The following ARHGEF7 variants were observed in gnomAD, a reference collection of about 807,000 sequenced individuals.
ARHGEF7 encodes the protein Rho guanine nucleotide exchange factor 7.
A neutral mutation model predicts 109.8 loss-of-function variants in ARHGEF7; 33 were observed. The ratio of observed to expected loss-of-function variants is 0.30; its 90% confidence interval spans 0.23 to 0.40. The LOEUF (loss-of-function observed/expected upper bound fraction) is 0.40, where lower values mean the gene tolerates loss of function less well. Ranked by LOEUF, ARHGEF7 falls within the 10% of genes least tolerant of loss-of-function variation. ARHGEF7 has a pLI of 1.00. For synonymous variants in ARHGEF7, 458 were observed against 424.6 expected (o/e 1.08, Z -0.97); for missense variants, 938 against 1,098.5 (o/e 0.85, Z 2.07).
intron 1 of ARHGEF7, among the ~76,000 whole-genome samples, chr13:111,147,458 C>T (rs901173228): frequency 6.6e-6 from 1 of 152,190 alleles, no homozygotes; most frequent in Admixed American, 6.5e-5. Context: ...CTGTTTTTCA[C>T]GTGCTCACTG....
chr13:111,189,833 T>G (rs1566758728), intron 2 of ARHGEF7, among the ~76,000 whole-genome samples: 1 of 152,194 alleles, frequency 6.6e-6, no homozygotes, highest in Non-Finnish European at 1.5e-5. Flanking sequence ...GTTTACAGAC[T>G]TTTAGCTAGA....
intron 2 of ARHGEF7, among the ~76,000 whole-genome samples, chr13:111,161,177 A>C (rs566071107): frequency 4.7e-4 from 72 of 152,242 alleles, no homozygotes; most frequent in Non-Finnish European, 9.0e-4. Flanking sequence ...TGTGTACATG[A>C]TGCTGAGTAG....
intron 18 of ARHGEF7, among the ~76,000 whole-genome samples, chr13:111,288,823 T>G (rs918287437): frequency 1.3e-5 from 2 of 152,212 alleles, no homozygotes; most frequent in African/African-American, 4.8e-5. Flanking sequence ...AATTTTTGGT[T>G]TTTATTTTGT....
rs3818704 is a variant in ARHGEF7 at position 111,118,079 on chromosome 13, G to A, written c.165+2388G>A. Among the ~76,000 whole-genome samples the A allele has an allele frequency of 1.2e-4, 18 of 152,376 alleles. No homozygotes were observed. In the East Asian group the frequency reaches 3.5e-3, roughly 29 times the overall value. ...GTGCCCTGACAGCCAGTGAGCGGAG[G>A]GCAAGTGGCCTGCAGCCTTCGCCTC... On this transcript the variant is annotated intron_variant, in intron 1 of 21. Coordinates refer to ENST00000646102, the MANE Select transcript of ARHGEF7 (RefSeq NM_001354046.2).
At chr13:111,301,112 C>G (rs1377700465) in intron 20 of ARHGEF7, among the ~76,000 whole-genome samples, 1 of 152,130 alleles carries the variant, frequency 6.6e-6, no homozygotes, top group Non-Finnish European at 1.5e-5. Context: ...CCACGCCTGG[C>G]TAATTTTTGT....
In ARHGEF7 at chr13:111,221,351, G is replaced by GATA. The variant is rs2084010143; in HGVS notation, c.670+3471_670+3472insATA. Among the ~76,000 whole-genome samples, 2 of 9,956 alleles carry GATA rather than the reference G, an allele frequency of 2.0e-4. 1 individual carries two copies. The highest frequency in any genetic ancestry group is 6.6e-4 in the African/African-American group (2 of 3,048). 6.5% of individuals were successfully genotyped at this position (9,956 alleles called of 152,430 possible). A position where few individuals can be genotyped will look rare whatever the true frequency, so the allele number is the denominator to read the frequency against. On this transcript the variant is annotated intron_variant, in intron 5 of 21. Transcript: ENST00000646102. ...TATGTCTATATATATCTATATATAT[G>GATA]TCTATATATATATCTATATATATAT...
At chr13:111,213,960 T>A (rs2082807621) in intron 4 of ARHGEF7, among the ~76,000 whole-genome samples, 1 of 152,158 alleles carries the variant, frequency 6.6e-6, no homozygotes, top group East Asian at 1.9e-4. Flanking sequence ...AAGTAACCTG[T>A]CTTGAGAGTA....
chr13:111,247,518 G>A (rs369494241), intron 8 of ARHGEF7, among the ~76,000 whole-genome samples: 4 of 152,060 alleles, frequency 2.6e-5, no homozygotes, highest in East Asian at 3.9e-4. Context: ...TGAACCACCC[G>A]CCTCAGCCTC....
chr13:111,140,814 G>A (rs1357051630), intron 1 of ARHGEF7, among the ~76,000 whole-genome samples: 1 of 152,036 alleles, frequency 6.6e-6, no homozygotes, highest in Non-Finnish European at 1.5e-5. Flanking sequence ...AGAGTAGCTA[G>A]GACTACAGCA....
chr13:111,215,727 C>T (rs2083045878), intron 4 of ARHGEF7, among the ~76,000 whole-genome samples: 2 of 152,310 alleles, frequency 1.3e-5, no homozygotes, highest in South Asian at 4.1e-4. Context: ...CATTCAAACA[C>T]ATTAATTTTT....
intron 21 of ARHGEF7, 88 bp downstream of exon 21, chr13:111,301,620 C>T (rs1400278337): frequency 3.4e-5 from 37 of 1,103,662 alleles, no homozygotes; most frequent in East Asian, 1.7e-4. Context: ...TGGCTGGGTA[C>T]GGTGGCTCAC....
At chr13:111,124,162 C>T (rs1420660674) in intron 1 of ARHGEF7, among the ~76,000 whole-genome samples, 2 of 152,300 alleles carry the variant, frequency 1.3e-5, no homozygotes, top group East Asian at 3.9e-4. Context: ...ATTACAGTTT[C>T]CTTGAAGGGT....
intron 1 of ARHGEF7, among the ~76,000 whole-genome samples, chr13:111,153,269 G>A (rs889668253): frequency 6.6e-6 from 1 of 152,264 alleles, no homozygotes; most frequent in African/African-American, 2.4e-5. Context: ...CTCTGGGCCA[G>A]GCTGCGTCCA....
intron 15 of ARHGEF7, 92 bp downstream of exon 15, chr13:111,280,769 A>C: frequency 1.5e-6 from 2 of 1,354,320 alleles, no homozygotes; most frequent in Non-Finnish European, 2.0e-6. Flanking sequence ...TTAAAACCTA[A>C]TCAATATTTG....
At chr13:111,180,095 G>C (rs182930663) in intron 2 of ARHGEF7, among the ~76,000 whole-genome samples, 3 of 152,342 alleles carry the variant, frequency 2.0e-5, no homozygotes, top group East Asian at 3.9e-4. Context: ...TGGTTCTCAG[G>C]CCCTTTGATT....
intron 8 of ARHGEF7, among the ~76,000 whole-genome samples, chr13:111,246,590 A>G (rs1038520645): frequency 3.3e-5 from 5 of 152,228 alleles, no homozygotes; most frequent in African/African-American, 1.2e-4. Flanking sequence ...AGAACTTAAG[A>G]CTGTACTTTC....
intron 2 of ARHGEF7, among the ~76,000 whole-genome samples, chr13:111,170,743 G>C (rs2077527216): frequency 6.6e-6 from 1 of 152,214 alleles, no homozygotes; most frequent in South Asian, 2.1e-4. Context: ...GGAGAACTCT[G>C]ATGACGGATG....
chr13:111,240,715 T>G (rs573041755), intron 6 of ARHGEF7, among the ~76,000 whole-genome samples: 128 of 152,316 alleles, frequency 8.4e-4, no homozygotes, highest in African/African-American at 3.0e-3. Flanking sequence ...AAGGGCTGAT[T>G]AGGTAGGGTG....
chr13:111,231,767 T>C (rs1461173530), intron 5 of ARHGEF7, among the ~76,000 whole-genome samples: 1 of 152,082 alleles, frequency 6.6e-6, no homozygotes, highest in Non-Finnish European at 1.5e-5. Flanking sequence ...TGTAGGCAGG[T>C]GCTGCTCACA....
Sources: gnomAD v4.1 joint callset for allele counts (sites outside exome capture counted in the v4.1 genomes callset) on GRCh38, gnomAD v4.1.1 for gene constraint, MANE v1.5 for transcripts, NCBI Gene and HGNC (gene_info 2026-07-23, HGNC 2026-07-21) for gene names.